The following ERC2 variants were observed in gnomAD, a reference collection of about 807,000 sequenced individuals.
The protein encoded by ERC2 is ELKS/RAB6-interacting/CAST family member 2, also known as ERC protein 2.
ERC2 carries 42 observed loss-of-function variants against 114.8 expected under a neutral mutation model. That is an observed-to-expected ratio of 0.37 (90% CI 0.29 to 0.47). The LOEUF is 0.47. ERC2 is among the 20% of genes least tolerant of loss of function. The probability of loss-of-function intolerance (pLI) is 0.99; values close to 1 mark genes in which losing one functional copy is unlikely to be tolerated. For synonymous variants in ERC2, 454 were observed against 425.5 expected (o/e 1.07, Z -0.82); for missense variants, 939 against 1,150.7 (o/e 0.82, Z 2.66).
chr3:56,103,856 G>T (rs1262772273), intron 6 of ERC2, among the ~76,000 whole-genome samples: 1 of 151,968 alleles, frequency 6.6e-6, no homozygotes, highest in African/African-American at 2.4e-5. Flanking sequence ...ACAAGACCTT[G>T]GTGTCAAGAG....
chr3:56,357,217 G>A (rs79705816), intron 2 of ERC2, among the ~76,000 whole-genome samples: 2,950 of 152,296 alleles, frequency 0.019, 40 homozygotes, highest in Non-Finnish European at 0.029. Context: ...TCTCACCCCA[G>A]TGCACACAGC....
At position 55,577,095 on chromosome 3, in the gene ERC2, G is replaced by C. The variant is rs114032374; in HGVS notation, c.*40-65819C>G. ...GCCTGCGATCAGCCCCTCTCCACCC[G>C]ATCACCTTTTCTTTCACAACTGATT... is the stretch of plus-strand genomic sequence containing the variant. On this transcript the variant is annotated intron_variant, in intron 17 of 17. Transcript: ENST00000288221. Among the ~76,000 whole-genome samples the C allele has an allele frequency of 3.3e-3, 509 of 152,276 alleles. 4 individuals carry two copies. The highest frequency in any genetic ancestry group is 0.012 in the African/African-American group (499 of 41,556).
intron 2 of ERC2, among the ~76,000 whole-genome samples, chr3:56,366,771 C>T (rs1020753296): frequency 2.0e-5 from 3 of 152,298 alleles, no homozygotes; most frequent in African/African-American, 2.4e-5. Context: ...TTGTCTAAGC[C>T]GGCTTTACAG....
chr3:55,727,398 G>C (rs903692431), intron 15 of ERC2, among the ~76,000 whole-genome samples: 2 of 152,012 alleles, frequency 1.3e-5, no homozygotes, highest in African/African-American at 2.4e-5. Context: ...GAAGTGAAAG[G>C]AATACAAAAG....
intron 3 of ERC2, among the ~76,000 whole-genome samples, chr3:56,284,832 C>T (rs753738053): frequency 6.6e-6 from 1 of 151,974 alleles, no homozygotes; most frequent in Non-Finnish European, 1.5e-5. Flanking sequence ...ACCCCCAACC[C>T]CTCCTTTAGA....
chr3:55,583,576 C>G, intron 17 of ERC2, among the ~76,000 whole-genome samples: 1 of 137,396 alleles, frequency 7.3e-6, no homozygotes, highest in Non-Finnish European at 1.6e-5. Flanking sequence ...TTCCTTCCTT[C>G]CTTCCTTCCT....
chr3:56,267,599 G>A (rs981312002), intron 3 of ERC2, among the ~76,000 whole-genome samples: 29 of 139,976 alleles, frequency 2.1e-4, no homozygotes, highest in Admixed American at 1.8e-3. Context: ...GTGAAACCCC[G>A]TCTGTACTAA....
At chr3:56,207,472 T>A (rs373812588) in intron 3 of ERC2, among the ~76,000 whole-genome samples, 1 of 152,272 alleles carries the variant, frequency 6.6e-6, no homozygotes, top group South Asian at 2.1e-4. Flanking sequence ...ATATAAAGCT[T>A]AGTTCTGCCT....
intron 2 of ERC2, among the ~76,000 whole-genome samples, chr3:56,305,013 GA>G (rs1469350859): frequency 6.6e-6 from 1 of 151,532 alleles, no homozygotes; most frequent in Non-Finnish European, 1.5e-5. Context: ...AAAATAAGGA[GA>G]AAAAAATAAT....
At chr3:56,192,392 A>G (rs747059518) in intron 3 of ERC2, among the ~76,000 whole-genome samples, 14 of 152,014 alleles carry the variant, frequency 9.2e-5, no homozygotes, top group Admixed American at 2.0e-4. Context: ...AACTAAAATA[A>G]CTCCTGGAAA....
At chr3:56,464,030 T>C (rs1441574003) in intron 1 of ERC2, among the ~76,000 whole-genome samples, 1 of 152,184 alleles carries the variant, frequency 6.6e-6, no homozygotes, top group East Asian at 1.9e-4. Flanking sequence ...ACAGAGAATA[T>C]TCCTGAAATG....
chr3:55,564,365 C>T (rs754794926), intron 17 of ERC2, among the ~76,000 whole-genome samples: 2 of 152,154 alleles, frequency 1.3e-5, no homozygotes, highest in African/African-American at 2.4e-5. Flanking sequence ...TTCATGCTTC[C>T]CTGATGCCCT....
intron 16 of ERC2, among the ~76,000 whole-genome samples, chr3:55,686,454 G>C (rs2062336794): frequency 6.6e-6 from 1 of 152,204 alleles, no homozygotes; most frequent in South Asian, 2.1e-4. Context: ...ATCTGGGTCA[G>C]AGTGAGTGTC....
At chr3:56,131,730 C>T (rs893538936) in intron 6 of ERC2, among the ~76,000 whole-genome samples, 3 of 152,098 alleles carry the variant, frequency 2.0e-5, no homozygotes, top group African/African-American at 4.8e-5. Flanking sequence ...TTAACAGATA[C>T]AAAATTACAG....
intron 3 of ERC2, among the ~76,000 whole-genome samples, chr3:56,238,678 C>T (rs1488959838): frequency 2.0e-5 from 3 of 152,150 alleles, no homozygotes; most frequent in Non-Finnish European, 2.9e-5. Context: ...ATTTGGTCTG[C>T]GGGTCTCTGT....
chr3:55,842,683 C>G (rs1206121785), intron 14 of ERC2, among the ~76,000 whole-genome samples: 1 of 151,606 alleles, frequency 6.6e-6, no homozygotes, highest in Non-Finnish European at 1.5e-5. Flanking sequence ...CATCCCATTA[C>G]CTCAGTGAAA....
chr3:55,633,557 A>G (rs936009551), intron 17 of ERC2, among the ~76,000 whole-genome samples: 1 of 152,188 alleles, frequency 6.6e-6, no homozygotes, highest in East Asian at 1.9e-4. Flanking sequence ...GGCCTGGCAT[A>G]TAATAGATGT....
intron 3 of ERC2, among the ~76,000 whole-genome samples, chr3:56,291,657 C>A (rs1474082412): frequency 6.6e-6 from 1 of 152,126 alleles, no homozygotes; most frequent in Non-Finnish European, 1.5e-5. Context: ...TCGAACTGTG[C>A]ATAATGAAAA....
chr3:55,845,361 G>A (rs1193392415), intron 14 of ERC2, among the ~76,000 whole-genome samples: 5 of 151,790 alleles, frequency 3.3e-5, no homozygotes, highest in Non-Finnish European at 4.4e-5. Context: ...AAAATTAGCC[G>A]GGCGTAGTGG....
Sources: gnomAD v4.1 joint callset for allele counts (sites outside exome capture counted in the v4.1 genomes callset) on GRCh38, gnomAD v4.1.1 for gene constraint, MANE v1.5 for transcripts, NCBI Gene and HGNC (gene_info 2026-07-23, HGNC 2026-07-21) for gene names.